Variants in NT5DC1 observed in about 807,000 individuals in gnomAD.
NT5DC1 encodes 5'-nucleotidase domain containing 1, also known as 5'-nucleotidase domain-containing protein 1.
Under a neutral mutation model 59.4 loss-of-function variants are expected in NT5DC1, and 42 were observed. The ratio of observed to expected loss-of-function variants is 0.71; its 90% confidence interval spans 0.55 to 0.92. The LOEUF (loss-of-function observed/expected upper bound fraction) is 0.92. Ranked by LOEUF, NT5DC1 falls within the 40% of genes least tolerant of loss-of-function variation. The pLI, the probability that NT5DC1 is intolerant of heterozygous loss-of-function variation, is 0.00. For synonymous variants in NT5DC1, 172 were observed against 188.1 expected (o/e 0.91, Z 0.70); for missense variants, 501 against 537.1 (o/e 0.93, Z 0.66).
chr6:116,101,309 G>T (rs1455696908), intron 1 of NT5DC1, among the ~76,000 whole-genome samples: 1 of 152,182 alleles, frequency 6.6e-6, no homozygotes, highest in East Asian at 1.9e-4. Flanking sequence ...TGGGGAATCG[G>T]TGATTTCTAG....
At chr6:116,176,851 C>A (rs1273620560) in intron 6 of NT5DC1, among the ~76,000 whole-genome samples, 1 of 152,170 alleles carries the variant, frequency 6.6e-6, no homozygotes, top group East Asian at 1.9e-4. Context: ...TCTTGCCTGG[C>A]TGACTGTCCT....
chr6:116,237,429 A>G (rs779152574), intron 9 of NT5DC1: 26 of 472,966 alleles, frequency 5.5e-5, no homozygotes, highest in South Asian at 3.6e-4. Flanking sequence ...ACATTGGTGC[A>G]TTTCTAACAG....
At chr6:116,208,702 C>T (rs1423783496) in intron 6 of NT5DC1, among the ~76,000 whole-genome samples, 1 of 152,020 alleles carries the variant, frequency 6.6e-6, no homozygotes, top group East Asian at 1.9e-4. Context: ...CTTGTAGTGT[C>T]TTTCTGTGAC....
intron 1 of NT5DC1, among the ~76,000 whole-genome samples, chr6:116,103,765 C>T (rs1778710237): frequency 6.6e-6 from 1 of 152,108 alleles, no homozygotes; most frequent in African/African-American, 2.4e-5. Context: ...TCAGGAAAGG[C>T]ATTCTAGAAG....
At chr6:116,182,460 A>G (rs1562154363) in intron 6 of NT5DC1, among the ~76,000 whole-genome samples, 1 of 152,138 alleles carries the variant, frequency 6.6e-6, no homozygotes. Context: ...AGGAATCTCC[A>G]CACTGTTTTC....
At chr6:116,135,411 G>A (rs1421816880) in intron 6 of NT5DC1, among the ~76,000 whole-genome samples, 4 of 150,046 alleles carry the variant, frequency 2.7e-5, no homozygotes, top group East Asian at 3.9e-4. Context: ...ATCCATAACC[G>A]CCCCCCCCAC....
chr6:116,131,860 G>T (rs1019798317), intron 6 of NT5DC1, among the ~76,000 whole-genome samples: 5 of 151,976 alleles, frequency 3.3e-5, no homozygotes, highest in Non-Finnish European at 5.9e-5. Flanking sequence ...AGTGTGTGTT[G>T]TTCCTCTCTA....
chr6:116,171,523 T>G (rs1011024657), intron 6 of NT5DC1, among the ~76,000 whole-genome samples: 1 of 152,224 alleles, frequency 6.6e-6, no homozygotes, highest in Non-Finnish European at 1.5e-5. Context: ...AAGACTTGTT[T>G]AAACCATATG....
rs1781788907 is a variant in NT5DC1, at chr6:116,221,058, CTG to C, written c.537_538del (p.Cys179TrpfsTer17). The C allele has an allele frequency of 7.0e-7, 1 of 1,418,720 alleles. No homozygotes were observed. The highest frequency in any genetic ancestry group is 9.8e-7 in the Non-Finnish European group (1 of 1,020,122). The allele number at this position is 1,418,720 out of a possible 1,614,324, so 87.9% of individuals were successfully genotyped here. ...ATTGATATTTTTATTTTTCAGAAAA[CTG>C]TGGAATATATTTTCCAGAAATAAAA... ...NYKMSAFKEN[C>X]GIYFPEIKRD... is the part of the protein sequence containing the mutation. On this transcript the variant is annotated frameshift_variant, in exon 7 of 12. Coordinates refer to ENST00000319550, the MANE Select transcript of NT5DC1 (RefSeq NM_152729.3). LOFTEE classifies it high-confidence loss of function.
In NT5DC1 at chr6:116,181,716, G is replaced by T. The variant is rs1391598182; in HGVS notation, c.530-39338G>T. On this transcript the variant is annotated intron_variant, in intron 6 of 11. Transcript: ENST00000319550. ...TAACAAAACCTATTGCAAGCTTTCT[G>T]TGCAAAAAAAAAGTGCACAAGATTG... Among the ~76,000 whole-genome samples, 15 of 151,632 alleles carry T rather than the reference G, an allele frequency of 9.9e-5. No homozygotes were observed. The East Asian group carries it at 2.9e-3, about 29-fold the overall frequency.
At chr6:116,205,277 T>G (rs115706195) in intron 6 of NT5DC1, among the ~76,000 whole-genome samples, 2 of 151,892 alleles carry the variant, frequency 1.3e-5, no homozygotes, top group African/African-American at 4.8e-5. Context: ...GACACTAAAA[T>G]GACAACAATG....
intron 6 of NT5DC1, among the ~76,000 whole-genome samples, chr6:116,168,478 T>G (rs1780528984): frequency 6.6e-6 from 1 of 152,150 alleles, no homozygotes; most frequent in African/African-American, 2.4e-5. Flanking sequence ...AAAATCTTGA[T>G]TTTATTTTAG....
intron 6 of NT5DC1, among the ~76,000 whole-genome samples, chr6:116,160,780 A>T (rs530819841): frequency 3.4e-4 from 52 of 152,320 alleles, no homozygotes; most frequent in African/African-American, 1.2e-3. Context: ...CCTTTAATCT[A>T]TCTTCAGTTA....
chr6:116,159,835 G>A (rs886986738), intron 6 of NT5DC1, among the ~76,000 whole-genome samples: 2 of 151,892 alleles, frequency 1.3e-5, no homozygotes, highest in Admixed American at 6.6e-5. Flanking sequence ...ATGTCCATGT[G>A]TACTTCACTT....
chr6:116,177,628 T>C (rs1307777771), intron 6 of NT5DC1, among the ~76,000 whole-genome samples: 1 of 152,204 alleles, frequency 6.6e-6, no homozygotes, highest in Non-Finnish European at 1.5e-5. Context: ...AGTGCTCTTA[T>C]ACTTTTTACT....
intron 6 of NT5DC1, among the ~76,000 whole-genome samples, chr6:116,169,056 C>T: frequency 6.6e-6 from 1 of 152,162 alleles, no homozygotes; most frequent in Non-Finnish European, 1.5e-5. Context: ...ATTTTTTGTC[C>T]TCCAAGCCTC....
intron 6 of NT5DC1, among the ~76,000 whole-genome samples, chr6:116,162,728 T>C (rs910486034): frequency 6.6e-6 from 1 of 152,182 alleles, no homozygotes; most frequent in Admixed American, 6.5e-5. Context: ...TATTGGCCCA[T>C]AGTTTTCTGT....
intron 6 of NT5DC1, among the ~76,000 whole-genome samples, chr6:116,167,122 G>A (rs1780487043): frequency 6.7e-6 from 1 of 149,426 alleles, no homozygotes; most frequent in South Asian, 2.1e-4. Flanking sequence ...CTGATGATTT[G>A]TATATGTTCA....
At chr6:116,243,053 A>G (rs1335787147) in intron 11 of NT5DC1, among the ~76,000 whole-genome samples, 2 of 152,174 alleles carry the variant, frequency 1.3e-5, no homozygotes, top group Non-Finnish European at 2.9e-5. Context: ...CTCTCTGGTG[A>G]CACTTCAGTC....
Sources: allele counts gnomAD v4.1 joint callset (sites outside exome capture counted in the v4.1 genomes callset), GRCh38; gene constraint gnomAD v4.1.1; transcripts MANE v1.5; gene names NCBI Gene and HGNC (gene_info 2026-07-23, HGNC 2026-07-21).